SPAG16: variants seen among roughly 807,000 people sequenced by gnomAD.
SPAG16 encodes sperm-associated antigen 16 protein.
A neutral mutation model predicts 80.4 loss-of-function variants in SPAG16; 86 were observed. The ratio of observed to expected loss-of-function variants is 1.07; its 90% CI spans 0.90 to 1.28. The LOEUF is 1.28. Ranked by LOEUF, SPAG16 falls within the 50% of genes most tolerant of loss-of-function variation. The pLI, the probability that SPAG16 is intolerant of heterozygous loss-of-function variation, is 0.00. For synonymous variants in SPAG16, 294 were observed against 265.9 expected (o/e 1.11, Z -1.03); for missense variants, 870 against 765.3 (o/e 1.14, Z -1.61).
chr2:213,859,642 G>T (rs2075335602), intron 10 of SPAG16, among the ~76,000 whole-genome samples: 1 of 152,168 alleles, frequency 6.6e-6, no homozygotes, highest in South Asian at 2.1e-4. Context: ...AGCTGGAGTA[G>T]CTAAAATTAT....
At chr2:213,438,369 T>G (rs1309368319) in intron 9 of SPAG16, among the ~76,000 whole-genome samples, 2 of 152,200 alleles carry the variant, frequency 1.3e-5, no homozygotes, top group Non-Finnish European at 2.9e-5. Flanking sequence ...TGTGTTCAAT[T>G]CAAGGCGTGA....
At chr2:213,758,337 CT>C (rs2068457407) in intron 10 of SPAG16, among the ~76,000 whole-genome samples, 2 of 151,898 alleles carry the variant, frequency 1.3e-5, no homozygotes, top group South Asian at 4.2e-4. Context: ...GAAACTATGT[CT>C]TGTCCAAAGG....
At chr2:214,350,297 T>C (rs182306739) in intron 15 of SPAG16, among the ~76,000 whole-genome samples, 65 of 152,340 alleles carry the variant, frequency 4.3e-4, no homozygotes, top group African/African-American at 1.5e-3. Flanking sequence ...CGGACTCCAG[T>C]TGCAAATATA....
chr2:213,786,780 T>G (rs1441376626), intron 10 of SPAG16, among the ~76,000 whole-genome samples: 5 of 152,172 alleles, frequency 3.3e-5, no homozygotes, highest in Non-Finnish European at 7.4e-5. Flanking sequence ...TATTTGATAT[T>G]TAAAAACTGA....
intron 11 of SPAG16, among the ~76,000 whole-genome samples, chr2:213,871,458 G>T (rs946008514): frequency 6.6e-6 from 1 of 151,918 alleles, no homozygotes; most frequent in Admixed American, 6.6e-5. Context: ...TAGAAAAGCT[G>T]GAGAGTGAAA....
intron 10 of SPAG16, among the ~76,000 whole-genome samples, chr2:213,567,242 T>A (rs368115969): frequency 1.2e-3 from 185 of 150,938 alleles, no homozygotes; most frequent in Middle Eastern, 3.4e-3. Context: ...TTTTTTTTTT[T>A]TTATTATACT....
At chr2:214,238,170 G>C (rs779020329) in intron 15 of SPAG16, 1 of 437,490 alleles carries the variant, frequency 2.3e-6, no homozygotes, top group South Asian at 1.7e-5. Context: ...TAGGAGCTCA[G>C]ATATATTATT....
rs568879296 is a variant in SPAG16 at position 213,404,552 on chromosome 2, T to A, written c.942+29433T>A. ...CCCTTCCTCACACCTTATAAAAAAA[T>A]TAATTCAAGATGGATTAAAGACTTA... is the stretch of plus-strand genomic sequence containing the variant. On this transcript the variant is annotated intron_variant, in intron 9 of 15. Transcript: ENST00000331683. Among the ~76,000 whole-genome samples, 4 of 152,218 alleles carry A rather than the reference T, an allele frequency of 2.6e-5. No individual in the cohort carries two copies. In the East Asian group the frequency reaches 7.7e-4, roughly 29 times the overall value.
intron 15 of SPAG16, among the ~76,000 whole-genome samples, chr2:214,183,699 T>C (rs2057376895): frequency 6.6e-6 from 1 of 152,056 alleles, no homozygotes; most frequent in Admixed American, 6.6e-5. Flanking sequence ...TCATTTTAGC[T>C]CAGCTTAGAA....
At position 214,010,129 on chromosome 2, in the gene SPAG16, A is replaced by G. The variant is rs187280777; in HGVS notation, c.1401-3822A>G. On this transcript the variant is annotated intron_variant, in intron 12 of 15. Transcript: ENST00000331683. The stretch of plus-strand genomic sequence containing the variant: ...GTTAAAATATTTTATTATGATTTGT[A>G]AGATGATAGATGCAAATAAAAAGCA... Among the ~76,000 whole-genome samples the G allele has an allele frequency of 1.3e-3, 186 of 146,362 alleles. 28 individuals are homozygous for G. Among genetic ancestry groups the G allele is most frequent in the African/African-American group, 4.6e-3 (172 of 37,212 alleles).
chr2:213,658,748 AC>A (rs936374806), intron 10 of SPAG16, among the ~76,000 whole-genome samples: 34 of 152,266 alleles, frequency 2.2e-4, no homozygotes, highest in African/African-American at 6.7e-4. Context: ...TATTTGAAAA[AC>A]AACACTAGGC....
At chr2:214,041,916 A>G (rs543558253) in intron 13 of SPAG16, among the ~76,000 whole-genome samples, 1 of 146,732 alleles carries the variant, frequency 6.8e-6, no homozygotes, top group Non-Finnish European at 1.5e-5. Flanking sequence ...TATATTATAT[A>G]TATCTTTTGT....
chr2:214,158,780 A>C (rs180729998), intron 15 of SPAG16, among the ~76,000 whole-genome samples: 116 of 152,160 alleles, frequency 7.6e-4, no homozygotes, highest in African/African-American at 2.7e-3. Context: ...TAGACAATCA[A>C]AAGGTGCTTG....
chr2:213,606,307 A>G (rs1362511056), intron 10 of SPAG16, among the ~76,000 whole-genome samples: 3 of 152,228 alleles, frequency 2.0e-5, no homozygotes, highest in African/African-American at 7.2e-5. Context: ...AAGTGGGGAC[A>G]TGTTCAGGCA....
At chr2:213,870,345 G>T (rs1329484841) in intron 11 of SPAG16, among the ~76,000 whole-genome samples, 2 of 104,012 alleles carry the variant, frequency 1.9e-5, no homozygotes, top group African/African-American at 5.4e-5. Context: ...AGACTGGACG[G>T]CTTGTCTATT....
chr2:214,153,485 T>C (rs1239205327), intron 15 of SPAG16, among the ~76,000 whole-genome samples: 1 of 152,188 alleles, frequency 6.6e-6, no homozygotes, highest in African/African-American at 2.4e-5. Context: ...CTGGAACAGC[T>C]CGTGTCCTTG....
At chr2:213,560,481 A>T (rs564883757) in intron 10 of SPAG16, among the ~76,000 whole-genome samples, 8 of 152,290 alleles carry the variant, frequency 5.3e-5, no homozygotes, top group African/African-American at 4.8e-5. Context: ...ATATAATTTT[A>T]TAATTTTAAT....
rs181392118 is a variant in SPAG16, at chr2:214,191,627, T to A, written c.1720+42361T>A. Among the ~76,000 whole-genome samples the A allele has an allele frequency of 7.1e-4, 106 of 149,068 alleles. 1 individual carries two copies. Among genetic ancestry groups the A allele is most frequent in the African/African-American group, 2.5e-3 (102 of 40,470 alleles). On this transcript the variant is annotated intron_variant, in intron 15 of 15. Transcript: ENST00000331683. The stretch of plus-strand genomic sequence containing the variant: ...TAGGTGGGAGGCTGAGAGAGGAGAA[T>A]TGATTGAACTTGGGAGGCGAAGGTT...
chr2:214,041,801 A>G (rs1050466058), intron 13 of SPAG16, among the ~76,000 whole-genome samples: 1 of 151,486 alleles, frequency 6.6e-6, no homozygotes, highest in Non-Finnish European at 1.5e-5. Flanking sequence ...TCACACACAC[A>G]GGGAAGATGT....
Sources: gnomAD v4.1 joint callset for allele counts (sites outside exome capture counted in the v4.1 genomes callset) on GRCh38, gnomAD v4.1.1 for gene constraint, MANE v1.5 for transcripts, NCBI Gene and HGNC (gene_info 2026-07-23, HGNC 2026-07-21) for gene names.